The following FRMD4A variants were observed in gnomAD, a reference collection of about 807,000 sequenced individuals.
FRMD4A encodes the protein FERM domain containing 4A, also known as FERM domain-containing protein 4A.
FRMD4A carries 29 observed loss-of-function variants against 129.1 expected under a neutral mutation model. The ratio of observed to expected loss-of-function variants is 0.22; its 90% confidence interval spans 0.17 to 0.31. The LOEUF (loss-of-function observed/expected upper bound fraction) is 0.31, where lower values mean the gene tolerates loss of function less well. Among genes scored for constraint, FRMD4A ranks in the 10% least tolerant of loss-of-function variants. The pLI is 1.00. For synonymous variants in FRMD4A, 634 were observed against 571.6 expected, an observed-to-expected ratio of 1.11 and a Z score of -1.56; for missense variants, 1,272 against 1,375.8, an observed-to-expected ratio of 0.92 and a Z score of 1.19.
intron 23 of FRMD4A, chr10:13,652,409 T>C (rs911660595): frequency 3.3e-5 from 6 of 183,940 alleles, no homozygotes; most frequent in Non-Finnish European, 6.8e-5. Context: ...TTGGATCAGG[T>C]GAGACTGGGC....
chr10:14,253,548 T>A (rs577559273), intron 2 of FRMD4A, among the ~76,000 whole-genome samples: 119 of 152,358 alleles, frequency 7.8e-4, no homozygotes, highest in African/African-American at 2.8e-3. Flanking sequence ...CTTTAGTAAT[T>A]CTTTCTGGTA....
rs762099252 is a variant in FRMD4A, at chr10:13,663,486, T to G, written c.1627A>C (p.Ser543Arg). The part of the protein sequence containing the change: ...IDDGNIASED[S>R]SLSDALVLED... ...AGAACAAGGGCATCTGAGAGGGAGCTGTCTTCACTGGCAATGTTTCCATCT... is the reference window on the plus strand; with the variant it reads ...AGAACAAGGGCATCTGAGAGGGAGCGGTCTTCACTGGCAATGTTTCCATCT... The change falls in exon 19 of 25, where the codon AGC (serine) becomes CGC (arginine). Residue 543 changes from serine (S) to arginine (R), a missense_variant. Ser to Arg is a moderately radical substitution (Grantham distance 110). This residue lies in a region of FRMD4A where 972 missense variants were observed against 892.3 expected (regional missense o/e 1.09). Coordinates refer to ENST00000357447, the MANE Select transcript of FRMD4A (RefSeq NM_018027.5). 7 of 1,560,312 alleles carry G rather than the reference T, an allele frequency of 4.5e-6. No homozygotes were observed. In the South Asian group the frequency reaches 7.8e-5, roughly 17 times the overall value.
chr10:13,814,888 A>T (rs1185665535), intron 3 of FRMD4A, among the ~76,000 whole-genome samples: 1 of 152,048 alleles, frequency 6.6e-6, no homozygotes, highest in East Asian at 1.9e-4. Flanking sequence ...CAGTTGGGGA[A>T]GGGAGATGAA....
chr10:14,162,020 TTAGA>T (rs1314319419), intron 2 of FRMD4A, among the ~76,000 whole-genome samples: 1 of 150,728 alleles, frequency 6.6e-6, no homozygotes, highest in African/African-American at 2.4e-5. Flanking sequence ...GTTATATATA[TTAGA>T]TATTTTATAT....
intron 9 of FRMD4A, among the ~76,000 whole-genome samples, chr10:13,742,063 C>T (rs1481302600): frequency 6.6e-6 from 1 of 151,928 alleles, no homozygotes; most frequent in African/African-American, 2.4e-5. Flanking sequence ...TGCATGTTGG[C>T]CAGGCTGGTC....
At chr10:13,986,186 A>T (rs887315290) in intron 2 of FRMD4A, among the ~76,000 whole-genome samples, 11 of 152,088 alleles carry the variant, frequency 7.2e-5, no homozygotes, top group African/African-American at 2.7e-4. Context: ...TCCCCTGGGA[A>T]GTTTTAAGAA....
At position 13,783,745 on chromosome 10, in the gene FRMD4A, G is replaced by A. The variant is rs553947328; in HGVS notation, c.300-739C>T. ...GGTTACTACTACTCCCGAAGGTGGT[G>A]AAGTGTGATTTGATTTCTGCACATT... On this transcript the variant is annotated intron_variant, in intron 5 of 24. Coordinates refer to ENST00000357447, the MANE Select transcript of FRMD4A (RefSeq NM_018027.5). 4.6e-5 allele frequency among the ~76,000 whole-genome samples: 7 copies of A among 152,298 alleles called. 1 individual carries two copies. The East Asian group carries it at 1.3e-3, about 29-fold the overall frequency.
At chr10:14,125,777 C>T (rs1164718870) in intron 2 of FRMD4A, among the ~76,000 whole-genome samples, 2 of 152,160 alleles carry the variant, frequency 1.3e-5, no homozygotes, top group East Asian at 1.9e-4. Context: ...ATACACGGCT[C>T]CTGCTATCTC....
intron 2 of FRMD4A, among the ~76,000 whole-genome samples, chr10:14,142,820 T>C (rs948837114): frequency 3.3e-5 from 5 of 152,136 alleles, no homozygotes; most frequent in Non-Finnish European, 5.9e-5. Context: ...TGGAATCCAA[T>C]TAAAAAATGG....
At chr10:13,673,041 C>G (rs892911693) in intron 16 of FRMD4A, among the ~76,000 whole-genome samples, 6 of 152,164 alleles carry the variant, frequency 3.9e-5, no homozygotes, top group African/African-American at 1.4e-4. Context: ...GCATGCTCAT[C>G]TTGCCCTGAC....
At position 13,967,907 on chromosome 10, in the gene FRMD4A, G is replaced by C. The variant is rs147678624; in HGVS notation, c.46-108995C>G. Among the ~76,000 whole-genome samples, 108 of 152,354 alleles carry C rather than the reference G, an allele frequency of 7.1e-4. 1 individual carries two copies. The highest frequency in any genetic ancestry group is 2.5e-3 in the African/African-American group (103 of 41,588). ...CAAAAAATACAAAAATTAGCTGGGC[G>C]TGGTGGCGCATGCCTGTGGTCCCAA... On this transcript the variant is annotated intron_variant, in intron 2 of 24. Transcript: ENST00000357447.
intron 2 of FRMD4A, among the ~76,000 whole-genome samples, chr10:14,203,113 T>G (rs977118694): frequency 6.6e-6 from 1 of 152,162 alleles, no homozygotes; most frequent in African/African-American, 2.4e-5. Flanking sequence ...GTCTGACACC[T>G]CCAGGGCCGT....
intron 2 of FRMD4A, among the ~76,000 whole-genome samples, chr10:13,964,606 A>G (rs1159692210): frequency 6.6e-6 from 1 of 151,810 alleles, no homozygotes; most frequent in Non-Finnish European, 1.5e-5. Flanking sequence ...CAAGATATTC[A>G]TGCATTCATT....
intron 2 of FRMD4A, among the ~76,000 whole-genome samples, chr10:13,958,181 T>C (rs1433762261): frequency 6.6e-6 from 1 of 152,150 alleles, no homozygotes; most frequent in Non-Finnish European, 1.5e-5. Flanking sequence ...TATCCTTTTG[T>C]GTTTCTTTCT....
intron 2 of FRMD4A, among the ~76,000 whole-genome samples, chr10:14,182,480 G>A (rs1841944707): frequency 6.6e-6 from 1 of 152,212 alleles, no homozygotes; most frequent in Admixed American, 6.5e-5. Context: ...CCAGGAGTTT[G>A]AGGCTGCAGT....
chr10:14,037,956 T>A (rs1005287928), intron 2 of FRMD4A, among the ~76,000 whole-genome samples: 1 of 152,206 alleles, frequency 6.6e-6, no homozygotes, highest in Non-Finnish European at 1.5e-5. Context: ...CTCATAAACA[T>A]CCCAATAATG....
intron 3 of FRMD4A, among the ~76,000 whole-genome samples, chr10:13,825,387 G>T (rs908236410): frequency 2.6e-5 from 4 of 152,174 alleles, no homozygotes; most frequent in African/African-American, 9.7e-5. Context: ...TTAGAAACTG[G>T]GTTGCACAGC....
At chr10:13,909,549 A>T (rs1219364417) in intron 2 of FRMD4A, among the ~76,000 whole-genome samples, 1 of 152,260 alleles carries the variant, frequency 6.6e-6, no homozygotes, top group African/African-American at 2.4e-5. Flanking sequence ...AACAGTAATT[A>T]TGAATGCAAA....
At chr10:14,062,453 T>C (rs1361839380) in intron 2 of FRMD4A, among the ~76,000 whole-genome samples, 14 of 152,158 alleles carry the variant, frequency 9.2e-5, no homozygotes, top group African/African-American at 3.4e-4. Flanking sequence ...TTGTGGCCAA[T>C]GCTGAAGGGA....
Sources: allele counts gnomAD v4.1 joint callset (sites outside exome capture counted in the v4.1 genomes callset), GRCh38; gene constraint gnomAD v4.1.1; regional missense constraint gnomAD v4.1.1; transcripts MANE v1.5; gene names NCBI Gene and HGNC (gene_info 2026-07-23, HGNC 2026-07-21).